FIGN: variants seen among roughly 807,000 people sequenced by gnomAD.
FIGN encodes the protein fidgetin.
Under a neutral mutation model 51.3 loss-of-function variants are expected in FIGN, and 11 were observed. The ratio of observed to expected loss-of-function variants is 0.21; its 90% CI spans 0.13 to 0.35. The LOEUF is 0.35. FIGN is among the 10% of genes least tolerant of loss of function. The probability of loss-of-function intolerance (pLI) is 1.00; values close to 1 mark genes in which losing one functional copy is unlikely to be tolerated. For synonymous variants in FIGN, 407 were observed against 363.2 expected (o/e 1.12, Z -1.37); for missense variants, 857 against 943.6 (o/e 0.91, Z 1.20).
At chr2:163,720,089 G>T (rs775630021) in intron 2 of FIGN, among the ~76,000 whole-genome samples, 1 of 152,090 alleles carries the variant, frequency 6.6e-6, no homozygotes, top group Non-Finnish European at 1.5e-5. Flanking sequence ...TCTGGACCGG[G>T]TTATTACTGG....
At chr2:163,707,746 C>T (rs1684523056) in intron 2 of FIGN, among the ~76,000 whole-genome samples, 1 of 151,990 alleles carries the variant, frequency 6.6e-6, no homozygotes, top group African/African-American at 2.4e-5. Flanking sequence ...GTGAAACTAT[C>T]TGTGAAAAGA....
intron 2 of FIGN, among the ~76,000 whole-genome samples, chr2:163,700,724 C>T (rs936410933): frequency 8.5e-5 from 13 of 152,064 alleles, no homozygotes; most frequent in African/African-American, 2.9e-4. Context: ...ATAAGAAATG[C>T]CTCTGAATCT....
In FIGN at chr2:163,607,242, CCTTACAAGGGATGCA is replaced by C. The variant is rs1431830803; in HGVS notation, c.*2295_*2309del. On this transcript the variant is annotated 3_prime_UTR_variant, in exon 3 of 3. Coordinates refer to ENST00000333129, the MANE Select transcript of FIGN (RefSeq NM_018086.4). ...CAAGTTAATGTGGATATTAGAATTT[CCTTACAAGGGATGCA>C]CAGGGTAGACCCAGAACACGATTGT... The C allele has an allele frequency of 7.2e-5, 11 of 152,300 alleles. No homozygotes were observed. Among genetic ancestry groups the C allele is most frequent in the African/African-American group, 2.6e-4 (11 of 41,572 alleles). 9.4% of individuals were successfully genotyped at this position (152,300 alleles called of 1,614,324 possible).
At chr2:163,638,412 G>A (rs1257394241) in intron 2 of FIGN, among the ~76,000 whole-genome samples, 2 of 152,042 alleles carry the variant, frequency 1.3e-5, no homozygotes, top group African/African-American at 4.8e-5. Flanking sequence ...AAAACTTGAA[G>A]CTCAGAAAGG....
At chr2:163,727,272 A>G (rs1684852134) in intron 2 of FIGN, among the ~76,000 whole-genome samples, 1 of 152,228 alleles carries the variant, frequency 6.6e-6, no homozygotes, top group East Asian at 1.9e-4. Flanking sequence ...GGAAAAGATG[A>G]GTCCCCGTTG....
At chr2:163,687,707 G>C (rs1236838082) in intron 2 of FIGN, among the ~76,000 whole-genome samples, 2 of 152,170 alleles carry the variant, frequency 1.3e-5, no homozygotes, top group Non-Finnish European at 2.9e-5. Flanking sequence ...AACTAACAAT[G>C]CAAACTTAAA....
chr2:163,653,616 T>C (rs899448257), intron 2 of FIGN, among the ~76,000 whole-genome samples: 1 of 152,112 alleles, frequency 6.6e-6, no homozygotes, highest in African/African-American at 2.4e-5. Flanking sequence ...TTAGTATTAA[T>C]ATTTTAAAGT....
At chr2:163,638,860 A>G (rs998439472) in intron 2 of FIGN, among the ~76,000 whole-genome samples, 2 of 152,194 alleles carry the variant, frequency 1.3e-5, no homozygotes, top group South Asian at 4.1e-4. Context: ...TAAATATGTT[A>G]GAACATATTA....
rs759409444 is a variant in FIGN, at chr2:163,610,289, G to A, written c.1543C>T (p.Leu515=). 1.2e-6 allele frequency: 2 copies of A among 1,614,146 alleles called. No individual in the cohort carries two copies. Among genetic ancestry groups the A allele is most frequent in the East Asian group, 4.5e-5 (2 of 44,858 alleles). The stretch of plus-strand genomic sequence containing the variant: ...AGGATGCTCCGAGGTAAGGCCGTCA[G>A]TCCACTGAACGCGTCTGACCTCAAC... ...PVLRSDAFSG[L]TALPRSILLF... The change falls in exon 3 of 3, where the codon CTG becomes TTG. Residue 515 remains leucine (L), a synonymous_variant. Transcript: ENST00000333129.
chr2:163,721,700 C>G (rs969752635), intron 2 of FIGN, among the ~76,000 whole-genome samples: 2 of 152,118 alleles, frequency 1.3e-5, no homozygotes, highest in African/African-American at 2.4e-5. Context: ...TGACATCAAC[C>G]TAGATTTCAA....
chr2:163,641,809 T>C (rs140393771), intron 2 of FIGN, among the ~76,000 whole-genome samples: 117 of 152,352 alleles, frequency 7.7e-4, no homozygotes, highest in African/African-American at 2.5e-3. Flanking sequence ...CTTAGAATTA[T>C]AATATGACCT....
In FIGN at chr2:163,692,219, T is replaced by C. The variant is rs73017728; in HGVS notation, c.25+42684A>G. Among the ~76,000 whole-genome samples, 645 of 152,278 alleles carry C rather than the reference T, an allele frequency of 4.2e-3. 2 individuals are homozygous for C. The highest frequency in any genetic ancestry group is 0.015 in the African/African-American group (612 of 41,554). On this transcript the variant is annotated intron_variant, in intron 2 of 2. Transcript: ENST00000333129. Reference sequence around the variant, plus strand: ...ATTTATTTGGATAAAATATTATACATAGGAACATGATTCAGTAAGAAGCAG... The same window carrying C: ...ATTTATTTGGATAAAATATTATACACAGGAACATGATTCAGTAAGAAGCAG...
At chr2:163,633,586 C>G (rs570857286) in intron 2 of FIGN, among the ~76,000 whole-genome samples, 3 of 152,140 alleles carry the variant, frequency 2.0e-5, no homozygotes, top group African/African-American at 7.2e-5. Context: ...CTCACAGAAG[C>G]CTTGTCTTTC....
intron 2 of FIGN, among the ~76,000 whole-genome samples, chr2:163,699,332 A>G (rs1258761384): frequency 6.6e-6 from 1 of 152,126 alleles, no homozygotes; most frequent in African/African-American, 2.4e-5. Context: ...AAAAAGCAAA[A>G]CTGCCATTTT....
intron 2 of FIGN, among the ~76,000 whole-genome samples, chr2:163,619,823 ATACT>A (rs1296012812): frequency 6.6e-6 from 1 of 152,126 alleles, no homozygotes; most frequent in Non-Finnish European, 1.5e-5. Context: ...AAAATTTCCT[ATACT>A]TAAAGTATAC....
intron 2 of FIGN, among the ~76,000 whole-genome samples, chr2:163,662,408 T>C (rs2105328474): frequency 6.6e-6 from 1 of 152,252 alleles, no homozygotes; most frequent in Non-Finnish European, 1.5e-5. Context: ...GTTCAGAAAA[T>C]TTGCAGCCTG....
intron 2 of FIGN, among the ~76,000 whole-genome samples, chr2:163,700,897 C>G (rs1684398374): frequency 6.6e-6 from 1 of 152,118 alleles, no homozygotes; most frequent in Non-Finnish European, 1.5e-5. Context: ...GCCCTGTACT[C>G]TCCAAGTGCT....
intron 2 of FIGN, chr2:163,617,362 G>GAACCACAA: frequency 2.9e-6 from 1 of 347,038 alleles, no homozygotes; most frequent in Non-Finnish European, 4.1e-6. Context: ...ACAAAGCATT[G>GAACCACAA]TGGTTCAATG....
chr2:163,650,973 G>A (rs1176868514), intron 2 of FIGN, among the ~76,000 whole-genome samples: 2 of 152,208 alleles, frequency 1.3e-5, no homozygotes, highest in Admixed American at 6.5e-5. Context: ...TAGTTTCTGT[G>A]TTGAGGACAG....
Sources: allele counts gnomAD v4.1 joint callset (sites outside exome capture counted in the v4.1 genomes callset), GRCh38; gene constraint gnomAD v4.1.1; transcripts MANE v1.5; gene names NCBI Gene and HGNC (gene_info 2026-07-23, HGNC 2026-07-21).